Variants in TRIP10 observed in about 807,000 individuals in gnomAD.
TRIP10 encodes thyroid hormone receptor interactor 10, also known as cdc42-interacting protein 4.
A neutral mutation model predicts 80.9 loss-of-function variants in TRIP10; 54 were observed. The observed-to-expected ratio is 0.67, with a 90% CI of 0.54 to 0.84. TRIP10 has a LOEUF of 0.84. TRIP10 is among the 40% of genes least tolerant of loss of function. The pLI is 0.00. For missense variants in TRIP10, 773 were observed against 815.3 expected (o/e 0.95, Z 0.63); for synonymous variants, 321 against 307.2 (o/e 1.04, Z -0.47).
intron 1 of TRIP10, 118 bp downstream of exon 1, chr19:6,739,903 C>A: frequency 8.4e-7 from 1 of 1,193,922 alleles, no homozygotes; most frequent in Non-Finnish European, 1.1e-6. Context: ...ACCCCTGGGT[C>A]CCCGCCCTCC....
At position 6,751,366 on chromosome 19, in the gene TRIP10, A is replaced by C. The variant is rs2081516021; in HGVS notation, c.*155A>C. 7.7e-6 allele frequency: 11 copies of C among 1,431,734 alleles called. No homozygotes were observed. The highest frequency in any genetic ancestry group is 1.0e-5 in the Non-Finnish European group (11 of 1,084,080). 88.7% of individuals were successfully genotyped at this position (1,431,734 alleles called of 1,614,324 possible). A position where few individuals can be genotyped will look rare whatever the true frequency, so the allele number is the denominator to read the frequency against. ...CACCCCCAACCCAGTCCTACCTGTC[A>C]CACCGGACGGACCCGCTGTGCCTTC... On this transcript the variant is annotated 3_prime_UTR_variant, in exon 15 of 15. Transcript: ENST00000313244.
Position 6,743,492 on chromosome 19 carries a change from A to G in TRIP10, c.409-2A>G. On this transcript the variant is annotated splice_acceptor_variant, in intron 5 of 14. Transcript: ENST00000313244. LOFTEE classifies it high-confidence loss of function. ...CTCACTCCGGTTCTGTCCCCTACAC[A>G]GAGTAAGCGTAAATTTGAGCGGGAC... 1 of 1,613,678 alleles carries G rather than the reference A, an allele frequency of 6.2e-7. No homozygotes were observed.
At position 6,744,522 on chromosome 19, in the gene TRIP10, C is replaced by G; in HGVS notation, c.643-32C>G. 1 of 1,613,256 alleles carries G rather than the reference C, an allele frequency of 6.2e-7. No homozygotes were observed. The highest frequency in any genetic ancestry group is 8.5e-7 in the Non-Finnish European group (1 of 1,179,962). ...TGTGCTTCTAGTCCCTCTGTTAGCA[C>G]CCCTGAGCCACCCTTGTCCCTGTCC... On this transcript the variant is annotated intron_variant, in intron 7 of 14. Coordinates refer to ENST00000313244, the MANE Select transcript of TRIP10 (RefSeq NM_001288962.2). This position sits in a 1 kb window ranked among gnomAD's most constrained non-coding sequence, Gnocchi z 4.9.
chr19:6,749,847 C>A, intron 11 of TRIP10, 87 bp from the exon 12 acceptor site: 3 of 1,529,220 alleles, frequency 2.0e-6, no homozygotes, highest in Non-Finnish European at 2.7e-6. Flanking sequence ...CAGAATGAGA[C>A]CCTGACTCAA....
chr19:6,749,584 C>T (rs562280947), intron 11 of TRIP10, among the ~76,000 whole-genome samples: 13 of 151,050 alleles, frequency 8.6e-5, no homozygotes, highest in East Asian at 5.8e-4. Context: ...ACATGGAGCC[C>T]GGTGCTGTGG....
At chr19:6,741,181 G>A in intron 2 of TRIP10, 44 bp from the exon 3 acceptor site, 1 of 1,613,416 alleles carries the variant, frequency 6.2e-7, no homozygotes, top group Non-Finnish European at 8.5e-7. Context: ...GGGGAGCGGT[G>A]GGAGGGCTGC....
At position 6,746,840 on chromosome 19, in the gene TRIP10, C is replaced by T. The variant is rs1204037240; in HGVS notation, c.1262+279C>T. Among the ~76,000 whole-genome samples the T allele has an allele frequency of 2.6e-5, 4 of 152,024 alleles. No individual in the cohort carries two copies. Among genetic ancestry groups the T allele is most frequent in the Admixed American group, 2.0e-4 (3 of 15,270 alleles). On this transcript the variant is annotated intron_variant, in intron 11 of 14. Coordinates refer to ENST00000313244, the MANE Select transcript of TRIP10 (RefSeq NM_001288962.2). This position sits in a 1 kb window ranked among gnomAD's most constrained non-coding sequence, Gnocchi z 6.2. Reference sequence around the variant, plus strand: ...TATATTTTTAGTAGAGGCGGGGTTTCCCCATATTAGCCAGGCTGTCTTGAA... The same window carrying T: ...TATATTTTTAGTAGAGGCGGGGTTTTCCCATATTAGCCAGGCTGTCTTGAA...
In TRIP10 at chr19:6,744,832, A is replaced by G. The variant is rs1969054458; in HGVS notation, c.822A>G (p.Ser274=). The G allele has an allele frequency of 1.9e-6, 3 of 1,614,030 alleles. No individual in the cohort carries two copies. Among genetic ancestry groups the G allele is most frequent in the Non-Finnish European group, 2.5e-6 (3 of 1,180,012 alleles). Residue 274 remains serine, a synonymous_variant, in exon 9 of 15, where the codon TCA becomes TCG. Transcript: ENST00000313244. This position sits in a 1 kb window ranked among gnomAD's most constrained non-coding sequence, Gnocchi z 4.9. The part of the protein sequence containing the change: ...DSHVLIELHK[S]GFARPGDVEF... ...ACGTCCTTATAGAGCTGCACAAGTC[A>G]GGTTTTGCCCGCCCGGGCGACGTGG... is the stretch of plus-strand genomic sequence containing the variant.
Position 6,744,075 on chromosome 19 carries a change from AGGAGTGCAGT to A in TRIP10, c.642+242_642+251del, listed in dbSNP as rs201028749. On this transcript the variant is annotated intron_variant, in intron 7 of 14. Transcript: ENST00000313244. This position sits in a 1 kb window ranked among gnomAD's most constrained non-coding sequence, Gnocchi z 4.9. ...TGGGGCCTGGCTCTGTCACCCGGGC[AGGAGTGCAGT>A]GGCATAATCACAGCTCACTGCAGCC... Among the ~76,000 whole-genome samples the A allele has an allele frequency of 0.012, 1,780 of 152,204 alleles. 35 individuals are homozygous for A. Among genetic ancestry groups the A allele is most frequent in the African/African-American group, 0.04 (1,677 of 41,514 alleles).
chr19:6,745,980 T>TTGGGGG lies in TRIP10; in HGVS notation c.985-49_985-48insTGGGGG. 1.0e-6 allele frequency: 1 copy of TTGGGGG among 1,001,464 alleles called. No homozygotes were observed. Among genetic ancestry groups the TTGGGGG allele is most frequent in the African/African-American group, 1.7e-5 (1 of 58,760 alleles). The allele number at this position is 1,001,464 out of a possible 1,614,324, so 62.0% of individuals were successfully genotyped here. On this transcript the variant is annotated intron_variant, in intron 9 of 14. Transcript: ENST00000313244. The surrounding 1 kb of genome is among the most constrained non-coding windows in gnomAD (Gnocchi z 7.2). ...CGTCCTCACTCTCTACATCCTCCTA[T>TTGGGGG]GCCCCCCCACCCCTTCAACCTATCC...
At position 6,747,793 on chromosome 19, in the gene TRIP10, A is replaced by AAAT. The variant is rs10572023; in HGVS notation, c.1262+1255_1262+1257dup. The stretch of plus-strand genomic sequence containing the variant: ...GGGTAACACAGCGAGTCTCTACCTC[A>AAAT]AATAATAATAATAATAATAATAATA... On this transcript the variant is annotated intron_variant, in intron 11 of 14. Transcript: ENST00000313244. Among the ~76,000 whole-genome samples, 328 of 149,310 alleles carry AAAT rather than the reference A, an allele frequency of 2.2e-3. 3 individuals carry two copies. The highest frequency in any genetic ancestry group is 0.017 in the South Asian group (80 of 4,722).
rs752799420 is a variant in TRIP10, at chr19:6,744,860, T to C, written c.850T>C (p.Phe284Leu). 34 of 1,614,116 alleles carry C rather than the reference T, an allele frequency of 2.1e-5. No homozygotes were observed. In the African/African-American group the frequency reaches 4.4e-4, roughly 21 times the overall value. The change falls in exon 9 of 15, where the codon TTC becomes CTC. Residue 284 changes from phenylalanine to leucine, a missense_variant. By Grantham distance (22) the Phe-to-Leu change is conservative. Transcript: ENST00000313244. This position sits in a 1 kb window ranked among gnomAD's most constrained non-coding sequence, Gnocchi z 4.9. ...TTTTGCCCGCCCGGGCGACGTGGAA[T>C]TCGAGGACTTCAGCCAGCCCATGAA... ...SGFARPGDVE[F>L]EDFSQPMNRA...
chr19:6,739,719 G>GGGGGGGGGGGGGGGGGGGGGGGGGGGC lies in TRIP10; in HGVS notation c.-43_-42insGGGGGGGGGGGGGGGGGGGGGGGGGGC. 1 of 1,280,526 alleles carries GGGGGGGGGGGGGGGGGGGGGGGGGGGC rather than the reference G, an allele frequency of 7.8e-7. No homozygotes were observed. The highest frequency in any genetic ancestry group is 3.1e-5 in the East Asian group (1 of 32,066). 79.3% of individuals were successfully genotyped at this position (1,280,526 alleles called of 1,614,324 possible). A position where few individuals can be genotyped will look rare whatever the true frequency, so the allele number is the denominator to read the frequency against. On this transcript the variant is annotated 5_prime_UTR_variant, in exon 1 of 15. Coordinates refer to ENST00000313244, the MANE Select transcript of TRIP10 (RefSeq NM_001288962.2). ...AGGGCGGCGGGCGGCGGGCGGCGGG[G>GGGGGGGGGGGGGGGGGGGGGGGGGGGC]ACCGGGTGCGGTGGTGGCTGCGGCG...
At position 6,745,935 on chromosome 19, in the gene TRIP10, C is replaced by T. The variant is rs187395073; in HGVS notation, c.985-94C>T. On this transcript the variant is annotated intron_variant, in intron 9 of 14. Coordinates refer to ENST00000313244, the MANE Select transcript of TRIP10 (RefSeq NM_001288962.2). The surrounding 1 kb of genome is among the most constrained non-coding windows in gnomAD (Gnocchi z 7.2). ...TTTTGCGTCCATCCGTCCATCCGTG[C>T]GTCCATCCCTCCGTCCATTCGTCCT... The T allele has an allele frequency of 1.4e-4, 171 of 1,236,010 alleles. 2 individuals carry two copies. The East Asian group carries it at 4.7e-3, about 34-fold the overall frequency. The allele number at this position is 1,236,010 out of a possible 1,614,324, so 76.6% of individuals were successfully genotyped here.
Position 6,746,661 on chromosome 19 carries a change from A to G in TRIP10, c.1262+100A>G. ...TATTTTATTTTATTTATTTTATTATATTTTATTTTGTGACAGGGTCTTAGT... is the reference window on the plus strand; with the variant it reads ...TATTTTATTTTATTTATTTTATTATGTTTTATTTTGTGACAGGGTCTTAGT... On this transcript the variant is annotated intron_variant, in intron 11 of 14. Transcript: ENST00000313244. This position sits in a 1 kb window ranked among gnomAD's most constrained non-coding sequence, Gnocchi z 6.2. The G allele has an allele frequency of 3.5e-6, 3 of 851,506 alleles. No individual in the cohort carries two copies. Among genetic ancestry groups the G allele is most frequent in the Admixed American group, 3.7e-5 (1 of 26,746 alleles). 52.7% of individuals were successfully genotyped at this position (851,506 alleles called of 1,614,324 possible). A position where few individuals can be genotyped will look rare whatever the true frequency, so the allele number is the denominator to read the frequency against.
Position 6,743,770 on chromosome 19 carries a change from T to C in TRIP10, c.576T>C (p.Ala192=). The part of the protein sequence containing the change: ...MAEESKNEYA[A]QLQRFNRDQA... ...AAGAAAGCAAAAACGAATATGCGGC[T>C]CAACTGCAGCGCTTCAACCGAGACC... Residue 192 remains alanine, a synonymous_variant, in exon 7 of 15, where the codon GCT becomes GCC. Coordinates refer to ENST00000313244, the MANE Select transcript of TRIP10 (RefSeq NM_001288962.2). The C allele has an allele frequency of 6.2e-7, 1 of 1,614,084 alleles. No individual in the cohort carries two copies. Among genetic ancestry groups the C allele is most frequent in the African/African-American group, 1.3e-5 (1 of 75,000 alleles).
rs747588781 is a variant in TRIP10, at chr19:6,743,771, C to G, written c.577C>G (p.Gln193Glu). ...AGAAAGCAAAAACGAATATGCGGCT[C>G]AACTGCAGCGCTTCAACCGAGACCA... is the stretch of plus-strand genomic sequence containing the variant. ...AEESKNEYAAQLQRFNRDQAH... is the reference protein window; with the variant it reads ...AEESKNEYAAELQRFNRDQAH... Residue 193 changes from glutamine to glutamate, a missense_variant, in exon 7 of 15, where the codon CAA becomes GAA. Coordinates refer to ENST00000313244, the MANE Select transcript of TRIP10 (RefSeq NM_001288962.2). The G allele has an allele frequency of 6.2e-7, 1 of 1,614,146 alleles. No individual in the cohort carries two copies. The highest frequency in any genetic ancestry group is 8.5e-7 in the Non-Finnish European group (1 of 1,180,032).
At chr19:6,741,678 G>GCAGT (rs1265301377) in intron 3 of TRIP10, among the ~76,000 whole-genome samples, 1 of 152,100 alleles carries the variant, frequency 6.6e-6, no homozygotes, top group African/African-American at 2.4e-5. Context: ...TAAACAGTGT[G>GCAGT]CAGTCCATAT....
At chr19:6,739,904 C>A in intron 1 of TRIP10, 119 bp downstream of exon 1, 1 of 1,194,816 alleles carries the variant, frequency 8.4e-7, no homozygotes. Flanking sequence ...CCCCTGGGTC[C>A]CCGCCCTCCA....
Sources: gnomAD v4.1 joint callset for allele counts (sites outside exome capture counted in the v4.1 genomes callset) on GRCh38, gnomAD v4.1.1 for gene constraint, Gnocchi (gnomAD v3.1) non-coding constraint, MANE v1.5 for transcripts, NCBI Gene and HGNC (gene_info 2026-07-23, HGNC 2026-07-21) for gene names.